The following ATP8A2 variants were observed in gnomAD, a reference collection of about 807,000 sequenced individuals.
ATP8A2 encodes the protein ATPase phospholipid transporting 8A2, also known as phospholipid-transporting ATPase IB.
Under a neutral mutation model 165.6 loss-of-function variants are expected in ATP8A2, and 100 were observed. The ratio of observed to expected loss-of-function variants is 0.60; its 90% CI spans 0.51 to 0.71. The LOEUF (loss-of-function observed/expected upper bound fraction) is 0.71, where lower values mean the gene tolerates loss of function less well. Among genes scored for constraint, ATP8A2 ranks in the 30% least tolerant of loss-of-function variants. ATP8A2 has a pLI of 0.00. For missense variants in ATP8A2, 1,227 were observed against 1,479.5 expected (o/e 0.83, Z 2.80); for synonymous variants, 543 against 548.8 (o/e 0.99, Z 0.15).
chr13:25,727,209 T>C (rs3117846), intron 25 of ATP8A2, among the ~76,000 whole-genome samples: 15,355 of 152,156 alleles, frequency 0.1, 907 homozygotes, highest in African/African-American at 0.16. Flanking sequence ...AACCATGAAA[T>C]GATAAATAAT....
chr13:25,991,926 T>TG (rs56363007), intron 35 of ATP8A2, among the ~76,000 whole-genome samples: 1 of 151,828 alleles, frequency 6.6e-6, no homozygotes, highest in Middle Eastern at 3.4e-3. Flanking sequence ...TTTTTTTTTT[T>TG]CAATAACAAC....
chr13:25,463,880 G>T (rs2035567293), intron 1 of ATP8A2, among the ~76,000 whole-genome samples: 1 of 152,130 alleles, frequency 6.6e-6, no homozygotes, highest in Non-Finnish European at 1.5e-5. Context: ...TGTATCTACT[G>T]TAACTGATCT....
rs1455769061 is a variant in ATP8A2, at chr13:25,839,567, A to T, written c.2899A>T (p.Asn967Tyr). 1.2e-6 allele frequency: 2 copies of T among 1,614,030 alleles called. No individual in the cohort carries two copies. The highest frequency in any genetic ancestry group is 1.7e-6 in the Non-Finnish European group (2 of 1,180,002). The stretch of plus-strand genomic sequence containing the variant: ...TTAGGTTTTCTGGGGTCACTGCATC[A>T]ACGCCTTGGTCCACTCCCTCATCCT... The part of the protein sequence containing the change: ...NTKVFWGHCI[N>Y]ALVHSLILFW... The change falls in exon 30 of 37, where the codon AAC becomes TAC. Residue 967 changes from asparagine to tyrosine, a missense_variant. Physicochemically the swap from Asn to Tyr is moderately radical, Grantham distance 143 (BLOSUM62 -2). This residue lies in a region of ATP8A2 where 260 missense variants were observed against 245.1 expected (regional missense o/e 1.06). Transcript: ENST00000381655.
chr13:25,884,792 C>T (rs1410073345), intron 33 of ATP8A2, among the ~76,000 whole-genome samples: 1 of 152,222 alleles, frequency 6.6e-6, no homozygotes, highest in Non-Finnish European at 1.5e-5. Context: ...TTCATTGCCC[C>T]TGCGGCTTCT....
At chr13:25,758,872 G>A (rs1021417967) in intron 25 of ATP8A2, among the ~76,000 whole-genome samples, 1 of 152,186 alleles carries the variant, frequency 6.6e-6, no homozygotes, top group East Asian at 1.9e-4. Flanking sequence ...TAAGTGGCTT[G>A]TTAAACAGTC....
intron 10 of ATP8A2, among the ~76,000 whole-genome samples, chr13:25,544,417 A>T (rs546389794): frequency 6.6e-6 from 1 of 152,364 alleles, no homozygotes; most frequent in South Asian, 2.1e-4. Context: ...GTCAAATGAT[A>T]GTCAGATGAA....
chr13:25,976,345 G>A (rs1295751285), intron 35 of ATP8A2, among the ~76,000 whole-genome samples: 3 of 152,140 alleles, frequency 2.0e-5, no homozygotes, highest in Admixed American at 6.5e-5. Flanking sequence ...CAGAAAAGGC[G>A]ATGAGGCCTC....
chr13:25,598,931 A>C (rs1202723807), intron 24 of ATP8A2, among the ~76,000 whole-genome samples: 2 of 152,090 alleles, frequency 1.3e-5, no homozygotes, highest in Non-Finnish European at 2.9e-5. Context: ...ACCAAGTTAT[A>C]ACCTGTTGGT....
intron 25 of ATP8A2, among the ~76,000 whole-genome samples, chr13:25,748,956 A>G (rs1311291279): frequency 6.6e-6 from 1 of 152,236 alleles, no homozygotes; most frequent in African/African-American, 2.4e-5. Flanking sequence ...TGTGGAGATT[A>G]AAATCAGTGG....
Position 25,717,182 on chromosome 13 carries a change from T to G in ATP8A2, c.2384+17837T>G, listed in dbSNP as rs559117740. Among the ~76,000 whole-genome samples, 54 of 152,264 alleles carry G rather than the reference T, an allele frequency of 3.5e-4. No individual in the cohort carries two copies. In the Middle Eastern group the frequency reaches 0.01, roughly 29 times the overall value. On this transcript the variant is annotated intron_variant, in intron 25 of 36. Coordinates refer to ENST00000381655, the MANE Select transcript of ATP8A2 (RefSeq NM_016529.6). Reference sequence around the variant, plus strand: ...ATTCGTTCATTCATTCATCAGATTATGGTAGCATGGATTACAGAGGTGAAG... The same window carrying G: ...ATTCGTTCATTCATTCATCAGATTAGGGTAGCATGGATTACAGAGGTGAAG...
intron 25 of ATP8A2, among the ~76,000 whole-genome samples, chr13:25,735,722 C>T (rs148378499): frequency 5.5e-4 from 84 of 152,262 alleles, no homozygotes; most frequent in African/African-American, 1.9e-3. Flanking sequence ...CCATGGTGGT[C>T]CCATACGATT....
intron 6 of ATP8A2, among the ~76,000 whole-genome samples, chr13:25,536,061 ACTT>A (rs1363253873): frequency 2.0e-5 from 3 of 152,078 alleles, no homozygotes; most frequent in Admixed American, 2.0e-4. Flanking sequence ...TTTACTAATT[ACTT>A]CTTCTGATTT....
At position 25,543,420 on chromosome 13, in the gene ATP8A2, T is replaced by C. The variant is rs1208058017; in HGVS notation, c.891+18T>C. On this transcript the variant is annotated intron_variant, in intron 10 of 36. Coordinates refer to ENST00000381655, the MANE Select transcript of ATP8A2 (RefSeq NM_016529.6). ...TCATGCAGGTAAAACATTTCTATGC[T>C]GATTTCAGTCTTTTTTTTCTTTCTG... is the stretch of plus-strand genomic sequence containing the variant. 6.8e-7 allele frequency: 1 copy of C among 1,477,764 alleles called. No homozygotes were observed. Among genetic ancestry groups the C allele is most frequent in the Non-Finnish European group, 9.4e-7 (1 of 1,062,408 alleles). The allele number at this position is 1,477,764 out of a possible 1,614,324, so 91.5% of individuals were successfully genotyped here. A position where few individuals can be genotyped will look rare whatever the true frequency, so the allele number is the denominator to read the frequency against.
intron 33 of ATP8A2, among the ~76,000 whole-genome samples, chr13:25,884,541 T>C (rs1953083132): frequency 6.6e-6 from 1 of 152,144 alleles, no homozygotes; most frequent in Non-Finnish European, 1.5e-5. Context: ...CAGAAGTGCT[T>C]TGGCTGGCAC....
rs116867604 is a variant in ATP8A2 at position 25,646,731 on chromosome 13, T to C, written c.2212-52442T>C. 0.017 allele frequency among the ~76,000 whole-genome samples: 2,576 copies of C among 151,988 alleles called. 192 individuals are homozygous for C. The East Asian group carries it at 0.24, about 14-fold the overall frequency. Reference sequence around the variant, plus strand: ...TATTAGGGAATTTAATCAATTTACATTCAAGGTAATTATTGATAGATAGGC... The same window carrying C: ...TATTAGGGAATTTAATCAATTTACACTCAAGGTAATTATTGATAGATAGGC... On this transcript the variant is annotated intron_variant, in intron 24 of 36. Coordinates refer to ENST00000381655, the MANE Select transcript of ATP8A2 (RefSeq NM_016529.6).
chr13:25,806,011 G>A (rs1320992229), intron 27 of ATP8A2, among the ~76,000 whole-genome samples: 1 of 152,116 alleles, frequency 6.6e-6, no homozygotes, highest in Non-Finnish European at 1.5e-5. Context: ...ATAAGAGCAG[G>A]CTCCTGGTGA....
At chr13:25,746,718 C>G (rs1440715843) in intron 25 of ATP8A2, among the ~76,000 whole-genome samples, 1 of 152,182 alleles carries the variant, frequency 6.6e-6, no homozygotes, top group African/African-American at 2.4e-5. Context: ...AATGCCTCGT[C>G]TCAAGAGCTA....
At chr13:25,378,622 A>G (rs573290464) in intron 1 of ATP8A2, among the ~76,000 whole-genome samples, 129 of 152,228 alleles carry the variant, frequency 8.5e-4, no homozygotes, top group Non-Finnish European at 1.5e-3. Flanking sequence ...CCAAGCTGAC[A>G]TGTTTTTTTC....
intron 25 of ATP8A2, among the ~76,000 whole-genome samples, chr13:25,714,620 T>C (rs1346282345): frequency 1.3e-5 from 2 of 152,228 alleles, no homozygotes; most frequent in Non-Finnish European, 2.9e-5. Flanking sequence ...ACTCAATAAA[T>C]ATTGGTGAAT....
Sources: allele counts gnomAD v4.1 joint callset (sites outside exome capture counted in the v4.1 genomes callset), GRCh38; gene constraint gnomAD v4.1.1; regional missense constraint gnomAD v4.1.1; transcripts MANE v1.5; gene names NCBI Gene and HGNC (gene_info 2026-07-23, HGNC 2026-07-21).